SLC16A7: variants seen among roughly 807,000 people sequenced by gnomAD.
SLC16A7 encodes solute carrier family 16 member 7, also known as monocarboxylate transporter 2.
Under a neutral mutation model 34.9 loss-of-function variants are expected in SLC16A7, and 33 were observed. That is an observed-to-expected ratio of 0.94 (90% CI 0.72 to 1.26). The LOEUF (loss-of-function observed/expected upper bound fraction) is 1.26, where lower values mean the gene tolerates loss of function less well. Among genes scored for constraint, SLC16A7 ranks in the 50% most tolerant of loss-of-function variants. SLC16A7 has a pLI of 0.00. For synonymous variants in SLC16A7, 201 were observed against 206.6 expected, an observed-to-expected ratio of 0.97 and a Z score of 0.23; for missense variants, 573 against 578.1, an observed-to-expected ratio of 0.99 and a Z score of 0.09.
chr12:59,775,076 T>G lies in SLC16A7; in HGVS notation c.781T>G (p.Phe261Val), dbSNP rs536498747. ...TGGAAATGTCATTATGTTCCTAGGT[T>G]TTTTTGCCCCCATTATATTCTTGGC... is the stretch of plus-strand genomic sequence containing the variant. Reference protein sequence around the residue: ...LSGNVIMFLGFFAPIIFLAPY... With the variant: ...LSGNVIMFLGVFAPIIFLAPY... The change falls in exon 5 of 6, where the codon TTT becomes GTT. Residue 261 changes from phenylalanine (F) to valine (V), a missense_variant. Phe to Val is a conservative substitution (Grantham distance 50). Transcript: ENST00000547379. 6.2e-7 allele frequency: 1 copy of G among 1,614,108 alleles called. No individual in the cohort carries two copies. Among genetic ancestry groups the G allele is most frequent in the African/African-American group, 1.3e-5 (1 of 75,050 alleles).
At chr12:59,707,031 C>T (rs1873669457) in intron 3 of SLC16A7, among the ~76,000 whole-genome samples, 1 of 152,120 alleles carries the variant, frequency 6.6e-6, no homozygotes, top group African/African-American at 2.4e-5. Context: ...CAAAAAGTGG[C>T]TATTCCATCA....
Position 59,636,398 on chromosome 12 carries a change from C to A in SLC16A7, c.-129-18754C>A, listed in dbSNP as rs1041340412. On this transcript the variant is annotated intron_variant, in intron 1 of 5. Transcript: ENST00000547379. The stretch of plus-strand genomic sequence containing the variant: ...GGCCTTTTCTGATTAAGTTATTCTA[C>A]AGAATGTTCAGGCAACATACTTTTT... 2.2e-4 allele frequency among the ~76,000 whole-genome samples: 34 copies of A among 152,056 alleles called. 2 individuals carry two copies. Among genetic ancestry groups the A allele is most frequent in the Admixed American group, 2.2e-3 (34 of 15,252 alleles).
At chr12:59,631,689 C>T (rs1318044519) in intron 1 of SLC16A7, among the ~76,000 whole-genome samples, 2 of 151,912 alleles carry the variant, frequency 1.3e-5, no homozygotes, top group Non-Finnish European at 2.9e-5. Context: ...TGTTCTTTCC[C>T]ACCCTGGCCC....
intron 2 of SLC16A7, among the ~76,000 whole-genome samples, chr12:59,686,305 G>A (rs1378626873): frequency 2.0e-5 from 3 of 151,836 alleles, no homozygotes; most frequent in African/African-American, 7.2e-5. Context: ...ATCAAAGTAT[G>A]GGAGCTCAGA....
chr12:59,692,074 A>G (rs1412711062), intron 2 of SLC16A7, among the ~76,000 whole-genome samples: 3 of 152,002 alleles, frequency 2.0e-5, no homozygotes, highest in Admixed American at 6.6e-5. Flanking sequence ...AAAAGGTTCT[A>G]TGGGAGACTC....
intron 3 of SLC16A7, among the ~76,000 whole-genome samples, chr12:59,765,609 A>T (rs1050735191): frequency 1.3e-5 from 2 of 151,518 alleles, no homozygotes; most frequent in African/African-American, 4.9e-5. Context: ...CCATTTCTTG[A>T]TTTTGTCAGT....
intron 1 of SLC16A7, among the ~76,000 whole-genome samples, chr12:59,641,774 G>T (rs556200894): frequency 2.0e-5 from 3 of 151,866 alleles, no homozygotes; most frequent in Admixed American, 2.0e-4. Context: ...ACAATCCAGG[G>T]CTTAAAGAAC....
At chr12:59,778,803 T>C (rs946232344) in intron 5 of SLC16A7, among the ~76,000 whole-genome samples, 1 of 152,020 alleles carries the variant, frequency 6.6e-6, no homozygotes, top group African/African-American at 2.4e-5. Context: ...TAAGAATGAG[T>C]ACAGACAGAC....
chr12:59,641,703 AT>A (rs1427919171), intron 1 of SLC16A7, among the ~76,000 whole-genome samples: 2 of 152,100 alleles, frequency 1.3e-5, no homozygotes, highest in East Asian at 3.9e-4. Context: ...ACATTATTGG[AT>A]GTCACTGTTT....
intron 1 of SLC16A7, among the ~76,000 whole-genome samples, chr12:59,617,745 G>A (rs1879519579): frequency 6.6e-6 from 1 of 151,872 alleles, no homozygotes; most frequent in Admixed American, 6.6e-5. Flanking sequence ...TGAGACCTAA[G>A]GTCTGGCCTA....
chr12:59,603,865 A>C (rs1348173981), intron 1 of SLC16A7, among the ~76,000 whole-genome samples: 1 of 152,204 alleles, frequency 6.6e-6, no homozygotes. Flanking sequence ...AAGTGTACAC[A>C]CTGAGGCAGA....
At chr12:59,647,332 T>C (rs939216790) in intron 1 of SLC16A7, among the ~76,000 whole-genome samples, 1 of 152,088 alleles carries the variant, frequency 6.6e-6, no homozygotes, top group Non-Finnish European at 1.5e-5. Context: ...GATAGTAAGT[T>C]CTTATGAGAT....
chr12:59,758,391 G>A (rs200564674), intron 3 of SLC16A7, among the ~76,000 whole-genome samples: 1 of 151,886 alleles, frequency 6.6e-6, no homozygotes, highest in Non-Finnish European at 1.5e-5. Context: ...AAGGAAGATG[G>A]GAACAATTTA....
chr12:59,745,277 A>C (rs1685680654), intron 3 of SLC16A7, among the ~76,000 whole-genome samples: 1 of 152,242 alleles, frequency 6.6e-6, no homozygotes, highest in Admixed American at 6.5e-5. Flanking sequence ...TTATTCACTC[A>C]AATGAGTTTA....
In SLC16A7 at chr12:59,716,238, T is replaced by C. The variant is rs530508979; in HGVS notation, c.217+11220T>C. ...GCCTTGCATCTCATGCAGTCAATGA[T>C]TGGATTAGCGGCAGCCTGTGGAAGC... On this transcript the variant is annotated intron_variant, in intron 3 of 5. Coordinates refer to ENST00000547379, the MANE Select transcript of SLC16A7 (RefSeq NM_001270623.2). Among the ~76,000 whole-genome samples, 221 of 152,280 alleles carry C rather than the reference T, an allele frequency of 1.5e-3. 1 individual carries two copies. The highest frequency in any genetic ancestry group is 6.8e-3 in the Middle Eastern group (2 of 294).
intron 2 of SLC16A7, among the ~76,000 whole-genome samples, chr12:59,685,452 ACT>A (rs1491231277): frequency 1.3e-5 from 2 of 152,116 alleles, no homozygotes; most frequent in Non-Finnish European, 1.5e-5. Flanking sequence ...AATAGACCTC[ACT>A]GTTATAAAAT....
At chr12:59,709,326 TA>T (rs1222357395) in intron 3 of SLC16A7, among the ~76,000 whole-genome samples, 41 of 151,598 alleles carry the variant, frequency 2.7e-4, no homozygotes, top group Non-Finnish European at 6.0e-4. Flanking sequence ...CCAATTGTGC[TA>T]AAGTAAGGGT....
intron 1 of SLC16A7, among the ~76,000 whole-genome samples, chr12:59,611,311 G>A (rs1313450641): frequency 6.6e-6 from 1 of 152,170 alleles, no homozygotes; most frequent in Admixed American, 6.5e-5. Context: ...GCAGGAGAGA[G>A]AAATGAGTGC....
intron 3 of SLC16A7, among the ~76,000 whole-genome samples, chr12:59,764,422 G>A (rs1352451204): frequency 6.6e-6 from 1 of 152,022 alleles, no homozygotes; most frequent in African/African-American, 2.4e-5. Flanking sequence ...ATGTTGGTGT[G>A]CTGCGCCCAT....
Sources: allele counts gnomAD v4.1 joint callset (sites outside exome capture counted in the v4.1 genomes callset), GRCh38; gene constraint gnomAD v4.1.1; transcripts MANE v1.5; gene names NCBI Gene and HGNC (gene_info 2026-07-23, HGNC 2026-07-21).